Variants in SERPINB9 observed in about 807,000 individuals in gnomAD.
The protein encoded by SERPINB9 is serpin family B member 9.
SERPINB9 carries 20 observed loss-of-function variants against 27.2 expected under a neutral mutation model. The observed-to-expected ratio is 0.74, with a 90% CI of 0.52 to 1.07. SERPINB9 has a LOEUF of 1.07. Ranked by LOEUF, SERPINB9 falls within the 50% of genes least tolerant of loss-of-function variation. SERPINB9 has a pLI of 0.00. For missense variants in SERPINB9, 476 were observed against 460.1 expected (o/e 1.03, Z -0.32); for synonymous variants, 189 against 180.0 (o/e 1.05, Z -0.40).
chr6:2,893,716 G>C (rs1186104480), intron 4 of SERPINB9, among the ~76,000 whole-genome samples, 163 bp from the exon 5 acceptor site: 1 of 151,934 alleles, frequency 6.6e-6, no homozygotes, highest in African/African-American at 2.4e-5. Context: ...TGGTATTCAT[G>C]ATTACTGACA....
chr6:2,890,260 G>A lies in SERPINB9; in HGVS notation c.1034C>T (p.Ser345Phe). The change falls in exon 7 of 7, where the codon TCT becomes TTT. Residue 345 changes from serine to phenylalanine, a missense_variant. Coordinates refer to ENST00000380698, the MANE Select transcript of SERPINB9 (RefSeq NM_004155.6). This position sits in a 1 kb window ranked among gnomAD's most constrained non-coding sequence, Gnocchi z 6.2. Reference sequence around the variant, plus strand: ...GTGGTCAGCACAGAACCTGGGGCCAGATTCCATGCAGCACTCTGCAACTAC... The same window carrying A: ...GTGGTCAGCACAGAACCTGGGGCCAAATTCCATGCAGCACTCTGCAACTAC... ...CFVVAECCME[S>F]GPRFCADHPF... The A allele has an allele frequency of 8.7e-6, 14 of 1,614,254 alleles. No homozygotes were observed. Among genetic ancestry groups the A allele is most frequent in the Non-Finnish European group, 1.2e-5 (14 of 1,180,046 alleles).
chr6:2,902,203 G>C (rs1162167116), intron 1 of SERPINB9, among the ~76,000 whole-genome samples: 2 of 152,120 alleles, frequency 1.3e-5, no homozygotes, highest in East Asian at 3.9e-4. Context: ...GTCCATCACG[G>C]CATTAATTCC....
At position 2,890,657 on chromosome 6, in the gene SERPINB9, G is replaced by C; in HGVS notation, c.724-87C>G. ...CACTCACAGTTCCCTTCCTCCCCTTGCACGTAGGTGTTGTTTGTTCACATA... is the reference window on the plus strand; with the variant it reads ...CACTCACAGTTCCCTTCCTCCCCTTCCACGTAGGTGTTGTTTGTTCACATA... On this transcript the variant is annotated intron_variant, in intron 6 of 6. Coordinates refer to ENST00000380698, the MANE Select transcript of SERPINB9 (RefSeq NM_004155.6). The surrounding 1 kb of genome is among the most constrained non-coding windows in gnomAD (Gnocchi z 6.2). The C allele has an allele frequency of 7.8e-7, 1 of 1,282,946 alleles. No individual in the cohort carries two copies. 79.5% of individuals were successfully genotyped at this position (1,282,946 alleles called of 1,614,324 possible). A position where few individuals can be genotyped will look rare whatever the true frequency, so the allele number is the denominator to read the frequency against.
At position 2,889,013 on chromosome 6, in the gene SERPINB9, C is replaced by T. The variant is rs1440553743; in HGVS notation, c.*1150G>A. On this transcript the variant is annotated 3_prime_UTR_variant, in exon 7 of 7. Transcript: ENST00000380698. ...GTTGTTGGAGGACTATCTAAGGATA[C>T]AGAGATTAATAAAAATAAAAGAACT... is the stretch of plus-strand genomic sequence containing the variant. 6.6e-6 allele frequency: 1 copy of T among 152,090 alleles called. No individual in the cohort carries two copies. The highest frequency in any genetic ancestry group is 1.5e-5 in the Non-Finnish European group (1 of 68,030). 9.4% of individuals were successfully genotyped at this position (152,090 alleles called of 1,614,324 possible).
rs978759006 is a variant in SERPINB9 at position 2,894,941 on chromosome 6, G to A, written c.424+450C>T. Reference sequence around the variant, plus strand: ...TGTATTTTTAGTAGAGATGTTGGGCGGGGGGGGGTCCCACCATGTTGGTCA... The same window carrying A: ...TGTATTTTTAGTAGAGATGTTGGGCAGGGGGGGGTCCCACCATGTTGGTCA... On this transcript the variant is annotated intron_variant, in intron 4 of 6. Coordinates refer to ENST00000380698, the MANE Select transcript of SERPINB9 (RefSeq NM_004155.6). The surrounding 1 kb of genome is among the most constrained non-coding windows in gnomAD (Gnocchi z 4.7). Among the ~76,000 whole-genome samples the A allele has an allele frequency of 3.1e-4, 9 of 28,574 alleles. No individual in the cohort carries two copies. Among genetic ancestry groups the A allele is most frequent in the East Asian group, 1.9e-3 (1 of 528 alleles). 18.7% of individuals were successfully genotyped at this position (28,574 alleles called of 152,430 possible).
intron 2 of SERPINB9, among the ~76,000 whole-genome samples, chr6:2,896,918 T>C (rs768189532): frequency 2.0e-5 from 3 of 150,358 alleles, no homozygotes; most frequent in Non-Finnish European, 3.0e-5. Context: ...GGCAGGAGGA[T>C]TGTTTGAGCC....
Position 2,890,392 on chromosome 6 carries a change from G to C in SERPINB9, c.902C>G (p.Ser301Trp). ...CAGGTCTCTCTCCGCTGACATTGCC[G>C]ACAAGTCAGCCTTGCCCTGTTGGAA... ...DAFQQGKADL[S>W]AMSAERDLCL... Residue 301 changes from serine to tryptophan, a missense_variant, in exon 7 of 7, where the codon TCG becomes TGG. Ser to Trp is a radical substitution (Grantham distance 177). Coordinates refer to ENST00000380698, the MANE Select transcript of SERPINB9 (RefSeq NM_004155.6). This position sits in a 1 kb window ranked among gnomAD's most constrained non-coding sequence, Gnocchi z 6.2. 6.2e-7 allele frequency: 1 copy of C among 1,614,178 alleles called. No homozygotes were observed.
In SERPINB9 at chr6:2,891,426, G is replaced by A. The variant is rs970204135; in HGVS notation, c.723+407C>T. 6.6e-6 allele frequency among the ~76,000 whole-genome samples: 1 copy of A among 152,182 alleles called. No homozygotes were observed. Among genetic ancestry groups the A allele is most frequent in the Non-Finnish European group, 1.5e-5 (1 of 68,040 alleles). Reference sequence around the variant, plus strand: ...CATTTACTAGTTGCCAGGCAATGTGGTAAGCTTGTTACCTGAATTACCCAC... The same window carrying A: ...CATTTACTAGTTGCCAGGCAATGTGATAAGCTTGTTACCTGAATTACCCAC... On this transcript the variant is annotated intron_variant, in intron 6 of 6. Transcript: ENST00000380698. This position sits in a 1 kb window ranked among gnomAD's most constrained non-coding sequence, Gnocchi z 4.0.
At position 2,891,935 on chromosome 6, in the gene SERPINB9, G is replaced by A. The variant is rs368919361; in HGVS notation, c.621C>T (p.Ala207=). The A allele has an allele frequency of 3.2e-4, 511 of 1,613,084 alleles. No homozygotes were observed. Among genetic ancestry groups the A allele is most frequent in the Non-Finnish European group, 4.0e-4 (475 of 1,179,860 alleles). Reference sequence around the variant, plus strand: ...GCTGCGCGCGCACCTCGCCCACGTGGGCGAGCTTAAACGTGGCCTCCTGAT... The same window carrying A: ...GCTGCGCGCGCACCTCGCCCACGTGAGCGAGCTTAAACGTGGCCTCCTGAT... ...MMYQEATFKL[A]HVGEVRAQLL... is the part of the protein sequence containing the mutation. Residue 207 remains alanine (A), a synonymous_variant, in exon 6 of 7, where the codon GCC becomes GCT. Coordinates refer to ENST00000380698, the MANE Select transcript of SERPINB9 (RefSeq NM_004155.6). This position sits in a 1 kb window ranked among gnomAD's most constrained non-coding sequence, Gnocchi z 4.0.
At position 2,893,620 on chromosome 6, in the gene SERPINB9, G is replaced by T. The variant is rs1767900195; in HGVS notation, c.425-67C>A. Reference sequence around the variant, plus strand: ...AGAACCTGATGCATTGGATGATCCTGGATCATTAGTTGAGAAGCAAACTTC... The same window carrying T: ...AGAACCTGATGCATTGGATGATCCTTGATCATTAGTTGAGAAGCAAACTTC... On this transcript the variant is annotated intron_variant, in intron 4 of 6. Coordinates refer to ENST00000380698, the MANE Select transcript of SERPINB9 (RefSeq NM_004155.6). 3 of 1,386,604 alleles carry T rather than the reference G, an allele frequency of 2.2e-6. No individual in the cohort carries two copies. The Admixed American group carries it at 6.2e-5, about 29-fold the overall frequency. 85.9% of individuals were successfully genotyped at this position (1,386,604 alleles called of 1,614,324 possible).
Position 2,900,537 on chromosome 6 carries a change from C to T in SERPINB9, c.75G>A (p.Ser25=), listed in dbSNP as rs779594944. 63 of 1,613,874 alleles carry T rather than the reference C, an allele frequency of 3.9e-5. No individual in the cohort carries two copies. Among genetic ancestry groups the T allele is most frequent in the Non-Finnish European group, 5.0e-5 (59 of 1,180,002 alleles). ...LLKILCQDNP[S]HNVFCSPVSI... is the part of the protein sequence containing the mutation. ...TCACAGGAGAACAGAACACGTTGTG[C>T]GAAGGGTTATCTTGACACAGTATCT... The change falls in exon 2 of 7, where the codon TCG becomes TCA. Residue 25 remains serine, a synonymous_variant. Transcript: ENST00000380698.
Position 2,896,135 on chromosome 6 carries a change from G to A in SERPINB9, c.224C>T (p.Thr75Ile), listed in dbSNP as rs769613099. ...DIHRAFQSLL[T>I]EVNKAGTQYL... is the part of the protein sequence containing the mutation. Reference sequence around the variant, plus strand: ...CTGTGTGCCAGCCTTGTTCACTTCAGTGAGAAGCGACTGGAAAGCCCGATG... The same window carrying A: ...CTGTGTGCCAGCCTTGTTCACTTCAATGAGAAGCGACTGGAAAGCCCGATG... The change falls in exon 3 of 7, where the codon ACT becomes ATT. Residue 75 changes from threonine (T) to isoleucine (I), a missense_variant. By Grantham distance (89) the Thr-to-Ile change is moderately conservative. Transcript: ENST00000380698. The A allele has an allele frequency of 6.2e-7, 1 of 1,614,098 alleles. No homozygotes were observed. The highest frequency in any genetic ancestry group is 1.1e-5 in the South Asian group (1 of 91,078).
intron 1 of SERPINB9, 79 bp from the exon 2 acceptor site, chr6:2,900,700 G>T: frequency 8.1e-7 from 1 of 1,232,312 alleles, no homozygotes; most frequent in South Asian, 1.6e-5. Flanking sequence ...GGGCAATTTT[G>T]GAATCGTACT....
At chr6:2,896,249 G>A in intron 2 of SERPINB9, 59 bp from the exon 3 acceptor site, 1 of 1,518,034 alleles carries the variant, frequency 6.6e-7, no homozygotes, top group Non-Finnish European at 9.0e-7. Context: ...CTGGGGAGAG[G>A]AGAGAGAGGG....
intron 5 of SERPINB9, among the ~76,000 whole-genome samples, chr6:2,892,919 T>C (rs1041789858): frequency 9.2e-5 from 14 of 151,934 alleles, no homozygotes; most frequent in Non-Finnish European, 1.8e-4. Context: ...GAATTAATGA[T>C]AATTAGTTAA....
At chr6:2,892,097 G>A in intron 5 of SERPINB9, 109 bp from the exon 6 acceptor site, 7 of 277,276 alleles carry the variant, frequency 2.5e-5, no homozygotes, top group South Asian at 5.5e-5. Context: ...TCATGCCCCA[G>A]TTAACACTAA....
Position 2,890,197 on chromosome 6 carries a change from C to G in SERPINB9, c.1097G>C (p.Ser366Thr), listed in dbSNP as rs1274664269. The stretch of plus-strand genomic sequence containing the variant: ...TGAGAACCTGCCACAGAACAGAATG[C>G]TGTTGGCTCTGTTGTGCCTGATGAA... ...LFFIRHNRAN[S>T]ILFCGRFSSP is the part of the protein sequence containing the mutation. Residue 366 changes from serine (S) to threonine (T), a missense_variant, in exon 7 of 7, where the codon AGC (serine) becomes ACC (threonine). Ser to Thr is a moderately conservative substitution (Grantham distance 58). Coordinates refer to ENST00000380698, the MANE Select transcript of SERPINB9 (RefSeq NM_004155.6). This position sits in a 1 kb window ranked among gnomAD's most constrained non-coding sequence, Gnocchi z 6.2. The G allele has an allele frequency of 6.2e-7, 1 of 1,614,040 alleles. No individual in the cohort carries two copies. The highest frequency in any genetic ancestry group is 1.3e-5 in the African/African-American group (1 of 74,926).
chr6:2,895,343 A>C (rs1474584801), intron 4 of SERPINB9, 48 bp downstream of exon 4: 1 of 1,248,692 alleles, frequency 8.0e-7, no homozygotes, highest in Admixed American at 1.9e-5. Flanking sequence ...GAAGAGCCGC[A>C]GGAGGAGGAC....
chr6:2,891,711 G>A lies in SERPINB9; in HGVS notation c.723+122C>T, dbSNP rs1767803161. The A allele has an allele frequency of 2.6e-6, 3 of 1,167,688 alleles. No homozygotes were observed. The highest frequency in any genetic ancestry group is 3.2e-5 in the South Asian group (2 of 62,762). The allele number at this position is 1,167,688 out of a possible 1,614,324, so 72.3% of individuals were successfully genotyped here. A position where few individuals can be genotyped will look rare whatever the true frequency, so the allele number is the denominator to read the frequency against. ...AACAAAAGTTCGATCCCAACGCCAA[G>A]TGCCTGCACAGTGTGCGTCTGCCGC... On this transcript the variant is annotated intron_variant, in intron 6 of 6. Coordinates refer to ENST00000380698, the MANE Select transcript of SERPINB9 (RefSeq NM_004155.6). The surrounding 1 kb of genome is among the most constrained non-coding windows in gnomAD (Gnocchi z 4.0).
Sources: allele counts gnomAD v4.1 joint callset (sites outside exome capture counted in the v4.1 genomes callset), GRCh38; gene constraint gnomAD v4.1.1; non-coding constraint Gnocchi (gnomAD v3.1); transcripts MANE v1.5; gene names NCBI Gene and HGNC (gene_info 2026-07-23, HGNC 2026-07-21).